Variants in SGIP1 observed in about 807,000 individuals in gnomAD.
SGIP1 encodes the protein SH3GL interacting endocytic adaptor 1.
SGIP1 carries 38 observed loss-of-function variants against 107.5 expected under a neutral mutation model. That is an observed-to-expected ratio of 0.35 (90% CI 0.27 to 0.46). SGIP1 has a LOEUF of 0.46. Among genes scored for constraint, SGIP1 ranks in the 20% least tolerant of loss-of-function variants. The pLI is 1.00. For missense variants in SGIP1, 929 were observed against 1,019.5 expected, an observed-to-expected ratio of 0.91 and a Z score of 1.21; for synonymous variants, 365 against 366.1, an observed-to-expected ratio of 1.00 and a Z score of 0.03.
intron 1 of SGIP1, among the ~76,000 whole-genome samples, chr1:66,600,145 A>C (rs1456896421): frequency 3.3e-5 from 5 of 152,188 alleles, no homozygotes; most frequent in African/African-American, 1.2e-4. Context: ...TATGAACAGC[A>C]CGTTAAACAG....
chr1:66,619,844 C>G (rs1038774227), intron 1 of SGIP1, among the ~76,000 whole-genome samples: 1 of 152,130 alleles, frequency 6.6e-6, no homozygotes, highest in African/African-American at 2.4e-5. Context: ...TCTACAGAAA[C>G]AGTCTTCATT....
intron 1 of SGIP1, among the ~76,000 whole-genome samples, chr1:66,596,822 A>G (rs2064807579): frequency 6.6e-6 from 1 of 152,118 alleles, no homozygotes; most frequent in African/African-American, 2.4e-5. Context: ...ATTTTTTAAA[A>G]GATCTGCAAT....
chr1:66,634,896 C>T (rs1486401360), intron 3 of SGIP1, among the ~76,000 whole-genome samples: 1 of 152,182 alleles, frequency 6.6e-6, no homozygotes, highest in Admixed American at 6.5e-5. Context: ...TTTCTGTCTG[C>T]ATTCAGTTCT....
chr1:66,598,341 G>A (rs1037654213), intron 1 of SGIP1, among the ~76,000 whole-genome samples: 11 of 152,184 alleles, frequency 7.2e-5, no homozygotes, highest in Non-Finnish European at 1.2e-4. Flanking sequence ...TAGAGCCACA[G>A]TTTCCCAACT....
intron 1 of SGIP1, among the ~76,000 whole-genome samples, chr1:66,545,891 C>T (rs1294901827): frequency 6.6e-6 from 1 of 152,052 alleles, no homozygotes; most frequent in East Asian, 1.9e-4. Flanking sequence ...CTGCTTTGTT[C>T]CTTGCTCAAA....
intron 1 of SGIP1, among the ~76,000 whole-genome samples, chr1:66,562,639 G>GT (rs1553216234): frequency 1.3e-5 from 2 of 152,160 alleles, no homozygotes; most frequent in South Asian, 4.1e-4. Flanking sequence ...ATTTGTTTTG[G>GT]TTTTTTTCTT....
intron 12 of SGIP1, among the ~76,000 whole-genome samples, chr1:66,676,441 G>A (rs1040415716): frequency 3.9e-5 from 6 of 152,120 alleles, no homozygotes; most frequent in East Asian, 1.9e-4. Context: ...CCCTATGTTC[G>A]GTGCCTAAGC....
intron 7 of SGIP1, 169 bp downstream of exon 7, chr1:66,643,888 C>T (rs2077194240): frequency 1.9e-6 from 1 of 513,680 alleles, no homozygotes; most frequent in Non-Finnish European, 3.1e-6. Context: ...GAAAATTGTA[C>T]TTATTTTATA....
intron 8 of SGIP1, among the ~76,000 whole-genome samples, chr1:66,663,803 A>G (rs542131648): frequency 2.0e-4 from 31 of 152,312 alleles, no homozygotes; most frequent in Admixed American, 1.1e-3. Flanking sequence ...ATTAAAGTAT[A>G]GGTTTATAAC....
rs148905145 is a variant in SGIP1, at chr1:66,575,610, G to T, written c.10+41242G>T. Among the ~76,000 whole-genome samples the T allele has an allele frequency of 7.6e-4, 115 of 152,236 alleles. 1 individual carries two copies. The highest frequency in any genetic ancestry group is 4.8e-3 in the South Asian group (23 of 4,808). ...AGGAAAGTCATGCTGGCCCACTGGG[G>T]TTCAGTTTTCACCAATAGAAAAATG... On this transcript the variant is annotated intron_variant, in intron 1 of 24. Coordinates refer to ENST00000371037, the MANE Select transcript of SGIP1 (RefSeq NM_032291.4).
intron 1 of SGIP1, among the ~76,000 whole-genome samples, chr1:66,623,809 T>C (rs1021905417): frequency 1.3e-5 from 2 of 152,204 alleles, no homozygotes; most frequent in Non-Finnish European, 2.9e-5. Context: ...TATTAAGCTA[T>C]GCAATTAGAA....
At chr1:66,720,779 A>G (rs2093491119) in intron 19 of SGIP1, among the ~76,000 whole-genome samples, 1 of 152,196 alleles carries the variant, frequency 6.6e-6, no homozygotes, top group Non-Finnish European at 1.5e-5. Context: ...ATGTGTATAT[A>G]GAACACTAGA....
chr1:66,716,358 A>G (rs999604702), intron 18 of SGIP1, among the ~76,000 whole-genome samples: 3 of 152,206 alleles, frequency 2.0e-5, no homozygotes, highest in Non-Finnish European at 4.4e-5. Flanking sequence ...CAAGACTATC[A>G]TAGAAGACTA....
intron 18 of SGIP1, among the ~76,000 whole-genome samples, chr1:66,707,611 T>C (rs1232138324): frequency 1.3e-5 from 2 of 152,176 alleles, no homozygotes; most frequent in Non-Finnish European, 2.9e-5. Flanking sequence ...ATGTCAGTCA[T>C]AACCTACTTG....
chr1:66,711,559 C>T (rs1313107180), intron 18 of SGIP1, among the ~76,000 whole-genome samples: 1 of 152,172 alleles, frequency 6.6e-6, no homozygotes, highest in African/African-American at 2.4e-5. Context: ...AATTTTCACT[C>T]TTTGCTGCTT....
At chr1:66,604,935 G>A (rs925433794) in intron 1 of SGIP1, among the ~76,000 whole-genome samples, 1 of 152,072 alleles carries the variant, frequency 6.6e-6, no homozygotes. Flanking sequence ...CTATAGCACT[G>A]TCCTCTTTTA....
chr1:66,742,575 T>C (rs2094490600), intron 24 of SGIP1, among the ~76,000 whole-genome samples: 1 of 146,898 alleles, frequency 6.8e-6, no homozygotes, highest in South Asian at 2.2e-4. Context: ...GTTCATGCCA[T>C]TCTCCTGCCT....
intron 2 of SGIP1, among the ~76,000 whole-genome samples, chr1:66,630,855 GAA>G (rs1359205804): frequency 7.6e-4 from 19 of 25,004 alleles, no homozygotes; most frequent in East Asian, 9.1e-3. Flanking sequence ...AAGAAAGAAA[GAA>G]AGAAAGAAAG....
In SGIP1 at chr1:66,667,507, C is replaced by G. The variant is rs753766986; in HGVS notation, c.472-23C>G. The G allele has an allele frequency of 1.9e-6, 3 of 1,612,514 alleles. No individual in the cohort carries two copies. In the Admixed American group the frequency reaches 5.0e-5, roughly 27 times the overall value. ...CATTCTCTGACTAGGTGTCTGTTCTCTCTTCCTTTTTGCTGATCACAGAGG... is the reference window on the plus strand; with the variant it reads ...CATTCTCTGACTAGGTGTCTGTTCTGTCTTCCTTTTTGCTGATCACAGAGG... On this transcript the variant is annotated intron_variant, in intron 8 of 24. Transcript: ENST00000371037.
Sources: allele counts gnomAD v4.1 joint callset (sites outside exome capture counted in the v4.1 genomes callset), GRCh38; gene constraint gnomAD v4.1.1; transcripts MANE v1.5; gene names NCBI Gene and HGNC (gene_info 2026-07-23, HGNC 2026-07-21).